CSMD3: variants seen among roughly 807,000 people sequenced by gnomAD.
CSMD3 encodes the protein CUB and sushi domain-containing protein 3.
Under a neutral mutation model 435.2 loss-of-function variants are expected in CSMD3, and 177 were observed. The ratio of observed to expected loss-of-function variants is 0.41; its 90% CI spans 0.36 to 0.46. The LOEUF (loss-of-function observed/expected upper bound fraction) is 0.46. Among genes scored for constraint, CSMD3 ranks in the 20% least tolerant of loss-of-function variants. The pLI, the probability that CSMD3 is intolerant of heterozygous loss-of-function variation, is 0.34. For missense variants in CSMD3, 4,265 were observed against 4,504.6 expected, an observed-to-expected ratio of 0.95 and a Z score of 1.52; for synonymous variants, 1,656 against 1,520.5, an observed-to-expected ratio of 1.09 and a Z score of -2.07.
chr8:113,195,763 C>CAT (rs1326812936), intron 3 of CSMD3, among the ~76,000 whole-genome samples: 1 of 140,968 alleles, frequency 7.1e-6, no homozygotes, highest in Non-Finnish European at 1.5e-5. Flanking sequence ...TACTTGGATA[C>CAT]ATATATATAA....
intron 17 of CSMD3, among the ~76,000 whole-genome samples, chr8:112,662,487 T>A (rs551398249): frequency 5.4e-4 from 82 of 152,176 alleles, no homozygotes; most frequent in African/African-American, 1.9e-3. Context: ...AAGCTGAAAC[T>A]GGATCCCTTC....
intron 47 of CSMD3, among the ~76,000 whole-genome samples, chr8:112,318,261 C>G (rs7826270): frequency 6.6e-6 from 1 of 151,782 alleles, no homozygotes; most frequent in Non-Finnish European, 1.5e-5. Flanking sequence ...CTTTCCCTAC[C>G]CCACAACCGG....
intron 5 of CSMD3, among the ~76,000 whole-genome samples, chr8:113,095,276 A>G (rs577216512): frequency 2.0e-5 from 3 of 152,264 alleles, no homozygotes; most frequent in African/African-American, 4.8e-5. Flanking sequence ...GTATTTTATA[A>G]TAAGCTCCAA....
chr8:112,808,206 G>T (rs1251291088), intron 12 of CSMD3, among the ~76,000 whole-genome samples: 4 of 152,144 alleles, frequency 2.6e-5, no homozygotes, highest in Non-Finnish European at 5.9e-5. Flanking sequence ...TCTAGTTATA[G>T]TATATATGAT....
intron 12 of CSMD3, among the ~76,000 whole-genome samples, chr8:112,826,679 GA>G (rs1461850120): frequency 1.3e-5 from 2 of 152,118 alleles, no homozygotes; most frequent in East Asian, 3.9e-4. Flanking sequence ...ACAGAATCTG[GA>G]TATCTCGATT....
At chr8:112,599,007 A>C (rs1218192791) in intron 22 of CSMD3, among the ~76,000 whole-genome samples, 177 of 149,846 alleles carry the variant, frequency 1.2e-3, no homozygotes, top group Non-Finnish European at 2.2e-3. Flanking sequence ...ACAAAAGACA[A>C]AATTGACAAA....
At chr8:112,539,534 A>G (rs1826462671) in intron 27 of CSMD3, among the ~76,000 whole-genome samples, 2 of 152,134 alleles carry the variant, frequency 1.3e-5, no homozygotes, top group African/African-American at 4.8e-5. Flanking sequence ...CTGCAAAGCT[A>G]CAGTAATCAA....
chr8:112,657,955 T>C (rs1432508492), intron 17 of CSMD3, among the ~76,000 whole-genome samples: 1 of 152,240 alleles, frequency 6.6e-6, no homozygotes, highest in African/African-American at 2.4e-5. Context: ...CAGTGTGTTT[T>C]TGTCAATGCT....
intron 1 of CSMD3, among the ~76,000 whole-genome samples, chr8:113,385,843 T>G (rs942566886): frequency 4.6e-5 from 7 of 152,078 alleles, no homozygotes; most frequent in African/African-American, 1.7e-4. Flanking sequence ...TCAGAAAAGA[T>G]GCTATCACAT....
At chr8:113,434,523 A>G (rs1389489080) in intron 1 of CSMD3, among the ~76,000 whole-genome samples, 2 of 152,186 alleles carry the variant, frequency 1.3e-5, no homozygotes, top group Non-Finnish European at 2.9e-5. Flanking sequence ...ACCTATGCAA[A>G]TTTCTCAGAA....
chr8:113,393,060 T>C (rs762110422), intron 1 of CSMD3, among the ~76,000 whole-genome samples: 13 of 151,960 alleles, frequency 8.6e-5, no homozygotes, highest in Non-Finnish European at 1.2e-4. Context: ...TTCTGATTTA[T>C]GGCACAATTT....
intron 27 of CSMD3, among the ~76,000 whole-genome samples, chr8:112,538,575 A>G (rs962993218): frequency 6.6e-6 from 1 of 152,146 alleles, no homozygotes; most frequent in African/African-American, 2.4e-5. Context: ...CTGAAAAAAA[A>G]TCATGAAATA....
intron 12 of CSMD3, among the ~76,000 whole-genome samples, chr8:112,801,029 A>T (rs938567526): frequency 6.6e-6 from 1 of 152,040 alleles, no homozygotes; most frequent in Non-Finnish European, 1.5e-5. Flanking sequence ...GTTGCGGGGA[A>T]GTCCATCAAG....
intron 69 of CSMD3, among the ~76,000 whole-genome samples, chr8:112,230,016 GAC>G (rs1812944973): frequency 6.6e-6 from 1 of 152,112 alleles, no homozygotes; most frequent in African/African-American, 2.4e-5. Context: ...GAGGCAAGAA[GAC>G]ACAGGATTAC....
At chr8:112,614,419 C>T (rs779297472) in intron 22 of CSMD3, among the ~76,000 whole-genome samples, 3 of 151,972 alleles carry the variant, frequency 2.0e-5, no homozygotes, top group Admixed American at 6.6e-5. Flanking sequence ...TGAGTAAAAC[C>T]AAAGCCTTTG....
At chr8:113,311,365 A>C (rs2132652525) in intron 2 of CSMD3, 1 of 152,234 alleles carries the variant, frequency 6.6e-6, no homozygotes, top group South Asian at 2.1e-4. Flanking sequence ...TGAAATTCTG[A>C]TTATGAATCC....
In CSMD3 at chr8:112,739,415, C is replaced by T. The variant is rs966353208; in HGVS notation, c.1973-49365G>A. On this transcript the variant is annotated intron_variant, in intron 13 of 70. Transcript: ENST00000297405. ...ATTAAGGCCATAAACCTAGAGCACC[C>T]TGCACTCTTCAGTTTGCCATTATTT... 7.2e-5 allele frequency among the ~76,000 whole-genome samples: 11 copies of T among 151,866 alleles called. No homozygotes were observed. In the East Asian group the frequency reaches 1.5e-3, roughly 21 times the overall value.
intron 11 of CSMD3, 148 bp downstream of exon 11, chr8:112,858,997 T>G: frequency 1.6e-6 from 1 of 644,310 alleles, no homozygotes; most frequent in Non-Finnish European, 2.7e-6. Context: ...CTCATATAAA[T>G]CTGGTTTATA....
At chr8:113,098,675 A>G (rs542550915) in intron 5 of CSMD3, 81 bp downstream of exon 5, 4 of 950,662 alleles carry the variant, frequency 4.2e-6, no homozygotes, top group Non-Finnish European at 6.8e-6. Flanking sequence ...CAAACCTGTA[A>G]AAGTCCACAT....
Sources: allele counts gnomAD v4.1 joint callset (sites outside exome capture counted in the v4.1 genomes callset), GRCh38; gene constraint gnomAD v4.1.1; transcripts MANE v1.5; gene names NCBI Gene and HGNC (gene_info 2026-07-23, HGNC 2026-07-21).